SORL1: variants seen among roughly 807,000 people sequenced by gnomAD.
SORL1 encodes the protein sortilin related receptor 1.
A neutral mutation model predicts 273.7 loss-of-function variants in SORL1; 127 were observed. The ratio of observed to expected loss-of-function variants is 0.46; its 90% CI spans 0.40 to 0.54. The LOEUF (loss-of-function observed/expected upper bound fraction) is 0.54. SORL1 is among the 20% of genes least tolerant of loss of function. The probability of loss-of-function intolerance (pLI) is 0.00; values close to 1 mark genes in which losing one functional copy is unlikely to be tolerated. For missense variants in SORL1, 2,494 were observed against 2,846.1 expected, an observed-to-expected ratio of 0.88 and a Z score of 2.81; for synonymous variants, 1,031 against 1,067.4, an observed-to-expected ratio of 0.97 and a Z score of 0.66.
At chr11:121,519,150 G>A (rs1861997544) in intron 8 of SORL1, among the ~76,000 whole-genome samples, 1 of 151,868 alleles carries the variant, frequency 6.6e-6, no homozygotes, top group Non-Finnish European at 1.5e-5. Context: ...GTTTCACTAT[G>A]TTGGCCAGGA....
intron 1 of SORL1, among the ~76,000 whole-genome samples, chr11:121,464,668 C>T (rs187866319): frequency 1.3e-5 from 2 of 152,276 alleles, no homozygotes; most frequent in East Asian, 1.9e-4. Flanking sequence ...TGGACTTGTT[C>T]GATGAAGATG....
chr11:121,593,826 C>T (rs1203455090), intron 31 of SORL1, among the ~76,000 whole-genome samples: 1 of 152,170 alleles, frequency 6.6e-6, no homozygotes, highest in Non-Finnish European at 1.5e-5. Context: ...CCTTTACCTC[C>T]ATCTCCTGTT....
chr11:121,535,839 C>G (rs191548150), intron 12 of SORL1, among the ~76,000 whole-genome samples: 1 of 152,266 alleles, frequency 6.6e-6, no homozygotes, highest in East Asian at 1.9e-4. Flanking sequence ...AGAAGTGGAA[C>G]ACTTTGTTTT....
At chr11:121,486,480 CTT>C (rs551145449) in intron 3 of SORL1, among the ~76,000 whole-genome samples, 26 of 138,906 alleles carry the variant, frequency 1.9e-4, no homozygotes, top group East Asian at 2.1e-4. Context: ...TTCTTTCTTT[CTT>C]TTTTTTTTTT....
chr11:121,511,971 A>G (rs926516125), intron 6 of SORL1, among the ~76,000 whole-genome samples: 3 of 152,238 alleles, frequency 2.0e-5, no homozygotes, highest in Non-Finnish European at 4.4e-5. Context: ...TTGTATGATT[A>G]TGTCCACATG....
chr11:121,582,995 G>A (rs779313267), intron 25 of SORL1, among the ~76,000 whole-genome samples: 1 of 152,174 alleles, frequency 6.6e-6, no homozygotes, highest in East Asian at 1.9e-4. Context: ...ACAGGCTGCC[G>A]CTCCTTATTT....
At chr11:121,598,637 C>T (rs533610160) in intron 32 of SORL1, among the ~76,000 whole-genome samples, 2 of 152,344 alleles carry the variant, frequency 1.3e-5, no homozygotes, top group South Asian at 4.1e-4. Context: ...CCAGTTTTCA[C>T]ACTTTTGTTG....
intron 2 of SORL1, among the ~76,000 whole-genome samples, chr11:121,473,300 G>A (rs1050298114): frequency 2.6e-5 from 4 of 152,064 alleles, no homozygotes; most frequent in African/African-American, 9.7e-5. Context: ...TATCTAAAAA[G>A]GGATGGCTCT....
Position 121,532,445 on chromosome 11 carries a change from A to G in SORL1, c.1597-19A>G, listed in dbSNP as rs765938635. 5.6e-6 allele frequency: 9 copies of G among 1,612,814 alleles called. No homozygotes were observed. In the Admixed American group the frequency reaches 1.0e-4, roughly 18 times the overall value. ...TTACCTCCACAGCAGTGGTGTCACC[A>G]TGGATTTTTCCTCTTCAGGCACTTC... On this transcript the variant is annotated intron_variant, in intron 11 of 47. Transcript: ENST00000260197.
intron 32 of SORL1, among the ~76,000 whole-genome samples, chr11:121,602,837 T>C (rs990508059): frequency 6.6e-6 from 1 of 152,236 alleles, no homozygotes; most frequent in South Asian, 2.1e-4. Context: ...ATTCCTTCCA[T>C]AGTTAGCTTG....
At chr11:121,465,824 G>T (rs1187969362) in intron 1 of SORL1, among the ~76,000 whole-genome samples, 1 of 152,194 alleles carries the variant, frequency 6.6e-6, no homozygotes, top group Admixed American at 6.5e-5. Context: ...ACCACGCCCG[G>T]CTGGGTGTGT....
chr11:121,590,831 C>T lies in SORL1; in HGVS notation c.4214-170C>T, dbSNP rs180837233. ...AAAGAATATTGCCTCTTCTGACAACCCATTATACATGATTTCTAGATTAGC... is the reference window on the plus strand; with the variant it reads ...AAAGAATATTGCCTCTTCTGACAACTCATTATACATGATTTCTAGATTAGC... On this transcript the variant is annotated intron_variant, in intron 30 of 47. Transcript: ENST00000260197. The T allele has an allele frequency of 2.8e-4, 224 of 787,422 alleles. 2 individuals are homozygous for T. The East Asian group carries it at 4.8e-3, about 17-fold the overall frequency. 48.8% of individuals were successfully genotyped at this position (787,422 alleles called of 1,614,324 possible). A position where few individuals can be genotyped will look rare whatever the true frequency, so the allele number is the denominator to read the frequency against.
intron 1 of SORL1, among the ~76,000 whole-genome samples, chr11:121,460,147 T>G (rs371813236): frequency 1.3e-5 from 2 of 151,934 alleles, no homozygotes; most frequent in African/African-American, 4.8e-5. Flanking sequence ...GTTTATTATC[T>G]CCCCCCCTTT....
At chr11:121,599,820 A>C (rs1363010206) in intron 32 of SORL1, among the ~76,000 whole-genome samples, 2 of 151,780 alleles carry the variant, frequency 1.3e-5, no homozygotes, top group African/African-American at 4.9e-5. Flanking sequence ...AGCCTTTGAT[A>C]AACCTTAAAA....
At chr11:121,557,233 A>G in intron 18 of SORL1, 81 bp from the exon 19 acceptor site, 2 of 1,008,402 alleles carry the variant, frequency 2.0e-6, no homozygotes, top group East Asian at 2.4e-5. Flanking sequence ...CTGTAGCAGA[A>G]GCTGAGTAGC....
Position 121,619,880 on chromosome 11 carries a change from A to G in SORL1, c.5852A>G (p.Lys1951Arg), listed in dbSNP as rs200590044. ...ACGGGCAAAACCTCCGTGGTCATCAAGTGGGAATCACCGTATGACTCTCCT... is the reference window on the plus strand; with the variant it reads ...ACGGGCAAAACCTCCGTGGTCATCAGGTGGGAATCACCGTATGACTCTCCT... ...VHTGKTSVVI[K>R]WESPYDSPDQ... The change falls in exon 43 of 48, where the codon AAG (lysine) becomes AGG (arginine). Residue 1951 changes from lysine to arginine, a missense_variant. Coordinates refer to ENST00000260197, the MANE Select transcript of SORL1 (RefSeq NM_003105.6). 4.3e-6 allele frequency: 7 copies of G among 1,613,506 alleles called. No homozygotes were observed. In the Admixed American group the frequency reaches 5.0e-5, roughly 12 times the overall value.
At chr11:121,599,270 C>G (rs555125108) in intron 32 of SORL1, among the ~76,000 whole-genome samples, 1 of 152,278 alleles carries the variant, frequency 6.6e-6, no homozygotes, top group South Asian at 2.1e-4. Flanking sequence ...ATAGGCCAGG[C>G]GCGGTGGCTC....
At chr11:121,527,706 G>C (rs957521493) in intron 11 of SORL1, among the ~76,000 whole-genome samples, 7 of 152,090 alleles carry the variant, frequency 4.6e-5, no homozygotes, top group African/African-American at 1.4e-4. Flanking sequence ...ATTTTGATGA[G>C]TTGTGTGTTT....
At chr11:121,475,477 G>T (rs1050079271) in intron 2 of SORL1, among the ~76,000 whole-genome samples, 1 of 152,306 alleles carries the variant, frequency 6.6e-6, no homozygotes, top group Admixed American at 6.5e-5. Context: ...TTAGGGAAGA[G>T]CTCTTTGATA....
Sources: allele counts gnomAD v4.1 joint callset (sites outside exome capture counted in the v4.1 genomes callset), GRCh38; gene constraint gnomAD v4.1.1; transcripts MANE v1.5; gene names NCBI Gene and HGNC (gene_info 2026-07-23, HGNC 2026-07-21).